The following MACF1 variants were observed in gnomAD, a reference collection of about 807,000 sequenced individuals.
MACF1 encodes microtubule actin crosslinking factor 1.
MACF1 carries 193 observed loss-of-function variants against 854.8 expected under a neutral mutation model. That is an observed-to-expected ratio of 0.23 (90% CI 0.20 to 0.25). MACF1 has a LOEUF of 0.25. Among genes scored for constraint, MACF1 ranks in the 10% least tolerant of loss-of-function variants. The pLI is 1.00. For missense variants in MACF1, 7,722 were observed against 8,929.1 expected (o/e 0.86, Z 5.45); for synonymous variants, 3,185 against 3,226.7 (o/e 0.99, Z 0.44).
chr1:39,447,808 G>A lies in MACF1; in HGVS notation c.19878G>A (p.Leu6626=). The A allele has an allele frequency of 6.2e-7, 1 of 1,613,840 alleles. No homozygotes were observed. The highest frequency in any genetic ancestry group is 8.5e-7 in the Non-Finnish European group (1 of 1,179,946). The change falls in exon 82 of 101, where the codon TTG becomes TTA. Residue 6626 remains leucine, a synonymous_variant. Coordinates refer to ENST00000564288, the MANE Select transcript of MACF1 (RefSeq NM_001394062.1). ...KQDVVLIKNL[L]VSVQSRWEKV... is the part of the protein sequence containing the mutation. Reference sequence around the variant, plus strand: ...ATGTTGTTCTGATCAAGAATTTGTTGGTGAGCGTGCAGTCTCGATGGGAGA... The same window carrying A: ...ATGTTGTTCTGATCAAGAATTTGTTAGTGAGCGTGCAGTCTCGATGGGAGA...
At chr1:39,289,223 C>G (rs557135716) in intron 15 of MACF1, among the ~76,000 whole-genome samples, 3 of 152,156 alleles carry the variant, frequency 2.0e-5, no homozygotes, top group African/African-American at 4.8e-5. Context: ...CTCTTTGATA[C>G]ACTGATTTCC....
chr1:39,318,351 G>A (rs912552116), intron 29 of MACF1, 102 bp from the exon 30 acceptor site: 5 of 1,066,482 alleles, frequency 4.7e-6, no homozygotes, highest in Admixed American at 4.2e-5. Context: ...ATCGTTTGTG[G>A]TCAAGCCCAG....
At chr1:39,420,727 T>C (rs1643501185) in intron 58 of MACF1, among the ~76,000 whole-genome samples, 1 of 152,174 alleles carries the variant, frequency 6.6e-6, no homozygotes, top group African/African-American at 2.4e-5. Flanking sequence ...TTTATATTTA[T>C]TTTTGTCCTC....
intron 83 of MACF1, 45 bp from the exon 84 acceptor site, chr1:39,448,549 T>A: frequency 7.0e-7 from 1 of 1,422,900 alleles, no homozygotes; most frequent in Non-Finnish European, 9.3e-7. Context: ...AATCAAGATG[T>A]CGTCTGACTT....
intron 2 of MACF1, among the ~76,000 whole-genome samples, chr1:39,097,293 GA>G (rs1641962090): frequency 1.3e-5 from 2 of 152,184 alleles, no homozygotes; most frequent in South Asian, 4.1e-4. Context: ...TCTATCCCCA[GA>G]ACACACAGAG....
chr1:39,226,632 C>T (rs963735913), intron 1 of MACF1, among the ~76,000 whole-genome samples: 1 of 152,060 alleles, frequency 6.6e-6, no homozygotes, highest in Non-Finnish European at 1.5e-5. Flanking sequence ...AGCCACCGCG[C>T]CTGGCCTATG....
At chr1:39,162,739 G>T (rs12117785) in intron 2 of MACF1, among the ~76,000 whole-genome samples, 91,319 of 151,912 alleles carry the variant, frequency 0.6, 29,513 homozygotes, top group South Asian at 0.74. Context: ...ATGTTGTGGG[G>T]ATTAAATGAG....
chr1:39,273,131 ATTTTTTTTT>A (rs561821846), intron 6 of MACF1, among the ~76,000 whole-genome samples: 11 of 120,460 alleles, frequency 9.1e-5, no homozygotes, highest in Non-Finnish European at 1.6e-4. Context: ...CTCTATACCA[ATTTTTTTTT>A]TTTTTTTTTT....
At chr1:39,317,112 A>ATGTGGAAATAGCTGTAGACCGTGTCCT (rs1557583882) in intron 28 of MACF1, 102 bp from the exon 29 acceptor site, 1 of 1,168,886 alleles carries the variant, frequency 8.6e-7, no homozygotes, top group African/African-American at 1.6e-5. Context: ...CACATATACA[A>ATGTGGAAATAGCTGTAGACCGTGTCCT]TGTGGAAATA....
chr1:39,412,883 C>T, intron 58 of MACF1: 1 of 1,610,308 alleles, frequency 6.2e-7, no homozygotes, highest in African/African-American at 1.3e-5. Flanking sequence ...GCTGTAGTTG[C>T]TGCTTTAGTG....
chr1:39,361,317 G>C (rs1648173575), intron 48 of MACF1, 43 bp from the exon 49 acceptor site: 2 of 1,585,370 alleles, frequency 1.3e-6, no homozygotes, highest in East Asian at 2.2e-5. Context: ...AGATGTCCTG[G>C]AATAAGTGAA....
chr1:39,282,230 G>A lies in MACF1; in HGVS notation c.551G>A (p.Gly184Glu). 6.2e-7 allele frequency: 1 copy of A among 1,613,912 alleles called. No individual in the cohort carries two copies. Among genetic ancestry groups the A allele is most frequent in the South Asian group, 1.1e-5 (1 of 91,066 alleles). The change falls in exon 7 of 101, where the codon GGA (glycine) becomes GAA (glutamate). Residue 184 changes from glycine to glutamate, a missense_variant. Gly to Glu is a moderately conservative substitution (Grantham distance 98). Coordinates refer to ENST00000564288, the MANE Select transcript of MACF1 (RefSeq NM_001394062.1). ...CAGATCTCTGACATCTACATTAGTG[G>A]AGAATCAGGGGATATGTCAGCCAAG... ...HFQISDIYIS[G>E]ESGDMSAKEK...
At chr1:39,308,601 G>T (rs1646236778) in intron 23 of MACF1, among the ~76,000 whole-genome samples, 1 of 151,908 alleles carries the variant, frequency 6.6e-6, no homozygotes, top group Non-Finnish European at 1.5e-5. Flanking sequence ...AATCAAGATT[G>T]AATTAGACAT....
intron 2 of MACF1, among the ~76,000 whole-genome samples, chr1:39,168,656 C>G (rs573747215): frequency 1.4e-4 from 21 of 152,158 alleles, no homozygotes; most frequent in Non-Finnish European, 2.8e-4. Flanking sequence ...CTACATTTAT[C>G]AGCTGAGTGA....
At chr1:39,459,772 C>G (rs758397500) in intron 91 of MACF1, 26 of 1,270,222 alleles carry the variant, frequency 2.0e-5, no homozygotes, top group Non-Finnish European at 2.5e-5. Flanking sequence ...GTTTCTAAAA[C>G]AAGCCTCTAA....
rs1570250765 is a variant in MACF1 at position 39,484,498 on chromosome 1, T to C, written c.22282-103T>C. On this transcript the variant is annotated intron_variant, in intron 99 of 100. Transcript: ENST00000564288. ...TTTTCCTGGACTTTTAATTTGCTTT[T>C]CAACTAAGCAAATATAAGGAGGTGT... The C allele has an allele frequency of 6.0e-6, 6 of 1,005,880 alleles. No homozygotes were observed. The East Asian group carries it at 1.5e-4, about 24-fold the overall frequency. The allele number at this position is 1,005,880 out of a possible 1,614,324, so 62.3% of individuals were successfully genotyped here.
intron 58 of MACF1, among the ~76,000 whole-genome samples, chr1:39,398,059 T>C (rs1642340379): frequency 6.6e-6 from 1 of 152,060 alleles, no homozygotes; most frequent in South Asian, 2.1e-4. Context: ...TGGGAAGGTC[T>C]GTTTGGCACC....
At position 39,324,217 on chromosome 1, in the gene MACF1, G is replaced by C. The variant is rs755471537; in HGVS notation, c.4261G>C (p.Glu1421Gln). The C allele has an allele frequency of 1.9e-6, 3 of 1,609,014 alleles. No homozygotes were observed. Among genetic ancestry groups the C allele is most frequent in the Admixed American group, 1.7e-5 (1 of 59,168 alleles). ...EEKVVEEEKQ[E>Q]HVEKVKELLG... is the part of the protein sequence containing the mutation. ...GAAAGTGGTAGAAGAGGAGAAACAA[G>C]AACATGTGGAGAAGGTTAAAGAACT... Residue 1421 changes from glutamate (E) to glutamine (Q), a missense_variant, in exon 34 of 101, where the codon GAA becomes CAA. Coordinates refer to ENST00000564288, the MANE Select transcript of MACF1 (RefSeq NM_001394062.1).
intron 6 of MACF1, among the ~76,000 whole-genome samples, chr1:39,271,884 C>CT (rs1308376736): frequency 6.6e-6 from 1 of 152,152 alleles, no homozygotes; most frequent in Admixed American, 6.5e-5. Context: ...TGTGAGGAGT[C>CT]TTAAAGAAAA....
Sources: allele counts gnomAD v4.1 joint callset (sites outside exome capture counted in the v4.1 genomes callset), GRCh38; gene constraint gnomAD v4.1.1; transcripts MANE v1.5; gene names NCBI Gene and HGNC (gene_info 2026-07-23, HGNC 2026-07-21).